MTA3: variants seen among roughly 807,000 people sequenced by gnomAD.
The protein encoded by MTA3 is metastasis associated 1 family member 3, also known as metastasis-associated protein MTA3.
In MTA3, 34 loss-of-function variants were observed where a neutral mutation model predicts 83.5. That is an observed-to-expected ratio of 0.41 (90% confidence interval 0.31 to 0.54). The LOEUF (loss-of-function observed/expected upper bound fraction) is 0.54. Among genes scored for constraint, MTA3 ranks in the 20% least tolerant of loss-of-function variants. The probability of loss-of-function intolerance (pLI) is 0.33; values close to 1 mark genes in which losing one functional copy is unlikely to be tolerated. For synonymous variants in MTA3, 303 were observed against 252.7 expected (o/e 1.20, Z -1.89); for missense variants, 761 against 726.4 (o/e 1.05, Z -0.55).
intron 2 of MTA3, among the ~76,000 whole-genome samples, chr2:42,543,913 A>G (rs1676638580): frequency 6.6e-6 from 1 of 151,836 alleles, no homozygotes; most frequent in African/African-American, 2.4e-5. Context: ...CTTGTCTCAA[A>G]CTCTTGGGCT....
chr2:42,725,293 A>G (rs184514382), intron 16 of MTA3, among the ~76,000 whole-genome samples: 542 of 152,300 alleles, frequency 3.6e-3, no homozygotes, highest in South Asian at 6.0e-3. Context: ...AAGTGAATTA[A>G]ATTTTCCAAA....
chr2:42,530,184 C>CAAA (rs11372241), intron 2 of MTA3, among the ~76,000 whole-genome samples: 1 of 136,154 alleles, frequency 7.3e-6, no homozygotes, highest in African/African-American at 2.7e-5. Flanking sequence ...AACTCCATCT[C>CAAA]AAAAAAAAAA....
At chr2:42,700,149 A>G (rs183514149) in intron 11 of MTA3, among the ~76,000 whole-genome samples, 15 of 152,132 alleles carry the variant, frequency 9.9e-5, no homozygotes, top group African/African-American at 3.1e-4. Flanking sequence ...CATATGAGCC[A>G]AGGAGGTACA....
At chr2:42,708,407 T>G (rs1264784175) in intron 13 of MTA3, among the ~76,000 whole-genome samples, 1 of 152,190 alleles carries the variant, frequency 6.6e-6, no homozygotes, top group East Asian at 1.9e-4. Flanking sequence ...ATTAAGCATT[T>G]TTTCTCCCCG....
At chr2:42,624,907 T>A (rs1424608034) in intron 4 of MTA3, among the ~76,000 whole-genome samples, 1 of 152,248 alleles carries the variant, frequency 6.6e-6, no homozygotes, top group Non-Finnish European at 1.5e-5. Flanking sequence ...TCGCATGTTA[T>A]CTATTTCCTC....
intron 16 of MTA3, among the ~76,000 whole-genome samples, chr2:42,743,616 T>C (rs955393330): frequency 1.3e-5 from 2 of 152,224 alleles, no homozygotes; most frequent in African/African-American, 4.8e-5. Flanking sequence ...CATTGAGTAA[T>C]ACAATTTTTG....
intron 4 of MTA3, among the ~76,000 whole-genome samples, chr2:42,628,716 C>G (rs1161007504): frequency 6.6e-6 from 1 of 150,490 alleles, no homozygotes; most frequent in Non-Finnish European, 1.5e-5. Context: ...TGGGATTTAT[C>G]TCTTCTTGTC....
chr2:42,593,915 G>T (rs1226398702), intron 3 of MTA3, among the ~76,000 whole-genome samples: 3 of 150,812 alleles, frequency 2.0e-5, no homozygotes, highest in Admixed American at 2.0e-4. Flanking sequence ...ATGAATGAGT[G>T]CCCATTCCCT....
At chr2:42,521,041 G>A (rs552329342) in intron 2 of MTA3, among the ~76,000 whole-genome samples, 1 of 152,308 alleles carries the variant, frequency 6.6e-6, no homozygotes, top group African/African-American at 2.4e-5. Flanking sequence ...CAGCCTGTAA[G>A]GTGACTTCTT....
At chr2:42,659,959 GCTCTTAGC>G in intron 8 of MTA3, 97 bp downstream of exon 8, 1 of 810,072 alleles carries the variant, frequency 1.2e-6, no homozygotes. Flanking sequence ...GAGCTTTTGG[GCTCTTAGC>G]CTTCCTGACT....
chr2:42,726,556 C>G (rs893873576), intron 16 of MTA3, among the ~76,000 whole-genome samples: 3 of 152,024 alleles, frequency 2.0e-5, no homozygotes, highest in Non-Finnish European at 4.4e-5. Context: ...CTTCCTGTGT[C>G]CATGTGTTCT....
chr2:42,583,049 T>A, intron 3 of MTA3, among the ~76,000 whole-genome samples: 1 of 152,136 alleles, frequency 6.6e-6, no homozygotes, highest in South Asian at 2.1e-4. Flanking sequence ...TACTTCATTT[T>A]GTGTTATAGA....
rs1380179878 is a variant in MTA3 at position 42,538,816 on chromosome 2, G to A, written c.-140-31621G>A. On this transcript the variant is annotated intron_variant, in intron 2 of 17. Transcript: ENST00000405592. ...GGAGTCTCGCCTTGTCGCCCAGGTC[G>A]GACTGCGGACTGCAGTGGCGCAATC... 3.5e-5 allele frequency among the ~76,000 whole-genome samples: 5 copies of A among 143,688 alleles called. No individual in the cohort carries two copies. The South Asian group carries it at 6.7e-4, about 19-fold the overall frequency. The allele number at this position is 143,688 out of a possible 152,430, so 94.3% of individuals were successfully genotyped here.
intron 16 of MTA3, among the ~76,000 whole-genome samples, chr2:42,728,681 T>TCA (rs1476594235): frequency 1.3e-5 from 2 of 152,224 alleles, no homozygotes; most frequent in African/African-American, 4.8e-5. Flanking sequence ...CTCATTGTAG[T>TCA]TTTGATTTGC....
chr2:42,614,593 T>G (rs912531053), intron 4 of MTA3, among the ~76,000 whole-genome samples: 1 of 152,198 alleles, frequency 6.6e-6, no homozygotes, highest in East Asian at 1.9e-4. Flanking sequence ...ATCTGCTTTG[T>G]GATGCTCGGG....
Position 42,568,741 on chromosome 2 carries a change from C to G in MTA3, c.-5C>G. 8.2e-7 allele frequency: 1 copy of G among 1,217,012 alleles called. No homozygotes were observed. The allele number at this position is 1,217,012 out of a possible 1,614,324, so 75.4% of individuals were successfully genotyped here. On this transcript the variant is annotated 5_prime_UTR_variant, in exon 1 of 17. Coordinates refer to ENST00000405094, the MANE Select transcript of MTA3 (RefSeq NM_001330442.2). ...GGCTCGGGCTCCGCGGGCGGGCGGG[C>G]GGACATGGCGGCCAACATGTACCGG...
chr2:42,599,646 A>T (rs1294546020), intron 3 of MTA3, among the ~76,000 whole-genome samples: 1 of 152,194 alleles, frequency 6.6e-6, no homozygotes, highest in East Asian at 1.9e-4. Context: ...AGTTCCTGAC[A>T]GGAATTAATT....
At chr2:42,599,806 T>A (rs903013542) in intron 3 of MTA3, among the ~76,000 whole-genome samples, 3 of 152,168 alleles carry the variant, frequency 2.0e-5, no homozygotes, top group Admixed American at 2.0e-4. Context: ...TTTTGTAGCT[T>A]AAGGAGTTTC....
chr2:42,570,532 T>C (rs746642270), intron 2 of MTA3, 28 bp downstream of exon 2: 2 of 1,270,316 alleles, frequency 1.6e-6, no homozygotes, highest in South Asian at 3.3e-5. Context: ...TTAATTTTAA[T>C]ATTAAAAATA....
Sources: allele counts gnomAD v4.1 joint callset (sites outside exome capture counted in the v4.1 genomes callset), GRCh38; gene constraint gnomAD v4.1.1; transcripts MANE v1.5; gene names NCBI Gene and HGNC (gene_info 2026-07-23, HGNC 2026-07-21).